The following AMPH variants were observed in gnomAD, a reference collection of about 807,000 sequenced individuals.
The protein encoded by AMPH is amphiphysin, also known as amphiphysin (Stiff-Mann syndrome with breast cancer 128kD autoantigen).
In AMPH, 49 loss-of-function variants were observed where a neutral mutation model predicts 99.1. The ratio of observed to expected loss-of-function variants is 0.49; its 90% CI spans 0.39 to 0.63. The LOEUF is 0.63. Among genes scored for constraint, AMPH ranks in the 20% least tolerant of loss-of-function variants. The pLI is 0.00. For synonymous variants in AMPH, 314 were observed against 317.3 expected (o/e 0.99, Z 0.11); for missense variants, 759 against 863.4 (o/e 0.88, Z 1.52).
chr7:38,406,730 C>CCTCT (rs1785011115), intron 17 of AMPH, among the ~76,000 whole-genome samples: 8 of 61,354 alleles, frequency 1.3e-4, no homozygotes, highest in African/African-American at 3.5e-4. Flanking sequence ...CTCTCCCTTT[C>CCTCT]CCTCTCTCTC....
intron 2 of AMPH, among the ~76,000 whole-genome samples, chr7:38,520,651 G>A (rs1789921913): frequency 6.6e-6 from 1 of 152,192 alleles, no homozygotes; most frequent in South Asian, 2.1e-4. Context: ...GTAAACAGAG[G>A]AAAAGAGACT....
chr7:38,520,128 A>G (rs1311027733), intron 2 of AMPH, among the ~76,000 whole-genome samples: 3 of 152,232 alleles, frequency 2.0e-5, no homozygotes, highest in Admixed American at 1.3e-4. Context: ...ATAATCTTAG[A>G]ATCAGTTTAA....
intron 17 of AMPH, among the ~76,000 whole-genome samples, chr7:38,406,173 T>C (rs1254684861): frequency 1.3e-5 from 2 of 151,888 alleles, no homozygotes; most frequent in African/African-American, 2.4e-5. Context: ...CAAATGAAAA[T>C]AGAGACACAA....
intron 1 of AMPH, among the ~76,000 whole-genome samples, chr7:38,629,188 C>T (rs1168496294): frequency 6.6e-6 from 1 of 152,164 alleles, no homozygotes; most frequent in Non-Finnish European, 1.5e-5. Flanking sequence ...CAGCAGCCTC[C>T]ATTTGGGCTG....
At chr7:38,388,796 C>T (rs1054040303) in intron 20 of AMPH, among the ~76,000 whole-genome samples, 1 of 151,886 alleles carries the variant, frequency 6.6e-6, no homozygotes, top group Non-Finnish European at 1.5e-5. Flanking sequence ...CACACTGCTG[C>T]ACCCAGCTAA....
At chr7:38,503,884 T>C (rs371466376) in intron 2 of AMPH, among the ~76,000 whole-genome samples, 180 bp from the exon 3 acceptor site, 2 of 152,350 alleles carry the variant, frequency 1.3e-5, no homozygotes, top group South Asian at 4.1e-4. Flanking sequence ...TATAGAAATT[T>C]TGTTCCACTT....
At chr7:38,426,640 G>C (rs1389955641) in intron 15 of AMPH, among the ~76,000 whole-genome samples, 1 of 152,196 alleles carries the variant, frequency 6.6e-6, no homozygotes, top group African/African-American at 2.4e-5. Context: ...TCTAGTAGAG[G>C]AATCGGTAGA....
At position 38,456,304 on chromosome 7, in the gene AMPH, C is replaced by T. The variant is rs373479068; in HGVS notation, c.1017+4979G>A. 3.9e-5 allele frequency among the ~76,000 whole-genome samples: 6 copies of T among 152,196 alleles called. No homozygotes were observed. In the East Asian group the frequency reaches 5.8e-4, roughly 15 times the overall value. ...GCTTTGACCTCCCTAATAGCAGGTC[C>T]GCAGGGCAGTGTGGTGCCTCCTACA... On this transcript the variant is annotated intron_variant, in intron 11 of 20. Transcript: ENST00000356264.
intron 1 of AMPH, among the ~76,000 whole-genome samples, chr7:38,609,198 A>G (rs1460903817): frequency 2.0e-5 from 3 of 152,152 alleles, no homozygotes; most frequent in Admixed American, 6.5e-5. Flanking sequence ...GAGCCAGCTA[A>G]TAGTATCAAA....
At chr7:38,569,994 A>G (rs1292370057) in intron 1 of AMPH, among the ~76,000 whole-genome samples, 1 of 152,176 alleles carries the variant, frequency 6.6e-6, no homozygotes, top group East Asian at 1.9e-4. Flanking sequence ...GTAATTCTCC[A>G]TGACAGCAAA....
intron 1 of AMPH, among the ~76,000 whole-genome samples, chr7:38,585,694 C>A (rs1792619885): frequency 1.3e-5 from 2 of 152,210 alleles, no homozygotes; most frequent in Non-Finnish European, 2.9e-5. Context: ...GTCCACCGTG[C>A]CAGTGGAATT....
chr7:38,558,999 T>C (rs960465383), intron 1 of AMPH, among the ~76,000 whole-genome samples: 2 of 152,230 alleles, frequency 1.3e-5, no homozygotes, highest in Non-Finnish European at 2.9e-5. Context: ...AGGAAATTTA[T>C]ATATAGATTC....
intron 1 of AMPH, among the ~76,000 whole-genome samples, chr7:38,555,115 A>AGG (rs1791317492): frequency 6.6e-6 from 1 of 152,206 alleles, no homozygotes; most frequent in Admixed American, 6.5e-5. Context: ...GTCCCATGTC[A>AGG]GGGCAAGAGT....
intron 2 of AMPH, among the ~76,000 whole-genome samples, chr7:38,505,912 C>T (rs1412278709): frequency 6.6e-6 from 1 of 152,140 alleles, no homozygotes; most frequent in African/African-American, 2.4e-5. Flanking sequence ...CTGCAACTCC[C>T]TACCAGATCT....
intron 3 of AMPH, among the ~76,000 whole-genome samples, chr7:38,500,021 T>A (rs1020640445): frequency 2.6e-5 from 4 of 152,202 alleles, no homozygotes; most frequent in African/African-American, 9.6e-5. Context: ...TTTTTCTTTA[T>A]AAATTACCCA....
chr7:38,403,695 G>GC (rs1784905224), intron 17 of AMPH, among the ~76,000 whole-genome samples: 1 of 152,228 alleles, frequency 6.6e-6, no homozygotes, highest in Admixed American at 6.5e-5. Context: ...CTGCCAAAGT[G>GC]CCCCTTGGAA....
At position 38,618,229 on chromosome 7, in the gene AMPH, T is replaced by A. The variant is rs758697377; in HGVS notation, c.69+13054A>T. ...TTCTATCTGATTTAAAAGAGTTGCA[T>A]AGGCCAGGCGCGGTGGCTCACACCT... On this transcript the variant is annotated intron_variant, in intron 1 of 20. Transcript: ENST00000356264. 3.9e-5 allele frequency among the ~76,000 whole-genome samples: 6 copies of A among 151,924 alleles called. No individual in the cohort carries two copies. In the South Asian group the frequency reaches 8.3e-4, roughly 21 times the overall value.
At chr7:38,618,107 C>T (rs932625816) in intron 1 of AMPH, among the ~76,000 whole-genome samples, 20 of 151,998 alleles carry the variant, frequency 1.3e-4, no homozygotes, top group African/African-American at 4.4e-4. Flanking sequence ...AAACAGAGTC[C>T]ATTTCATAAG....
intron 1 of AMPH, among the ~76,000 whole-genome samples, chr7:38,616,967 T>G (rs1020057987): frequency 2.0e-5 from 3 of 152,190 alleles, no homozygotes; most frequent in Admixed American, 6.5e-5. Context: ...TAGATACAGA[T>G]AGAAGTAGAT....
Sources: allele counts gnomAD v4.1 joint callset (sites outside exome capture counted in the v4.1 genomes callset), GRCh38; gene constraint gnomAD v4.1.1; transcripts MANE v1.5; gene names NCBI Gene and HGNC (gene_info 2026-07-23, HGNC 2026-07-21).